SMAD6: variants seen among roughly 807,000 people sequenced by gnomAD.
SMAD6 encodes MAD homolog 6.
SMAD6 carries 103 observed loss-of-function variants against 39.4 expected under a neutral mutation model. That is an observed-to-expected ratio of 2.62 (90% CI 2.23 to 3.08). The LOEUF (loss-of-function observed/expected upper bound fraction) is 3.08, where lower values mean the gene tolerates loss of function less well. Among genes scored for constraint, SMAD6 ranks in the 30% most tolerant of loss-of-function variants. SMAD6 has a pLI of 0.00. For synonymous variants in SMAD6, 445 were observed against 353.3 expected, an observed-to-expected ratio of 1.26 and a Z score of -2.91; for missense variants, 1,104 against 742.9, an observed-to-expected ratio of 1.49 and a Z score of -5.65.
chr15:66,756,397 C>A (rs1894100118), intron 3 of SMAD6, among the ~76,000 whole-genome samples: 1 of 152,176 alleles, frequency 6.6e-6, no homozygotes, highest in African/African-American at 2.4e-5. Flanking sequence ...TTGCAATTTA[C>A]TTAATGAAAT....
chr15:66,728,154 C>T (rs185635821), intron 3 of SMAD6, among the ~76,000 whole-genome samples: 2 of 152,294 alleles, frequency 1.3e-5, no homozygotes, highest in East Asian at 3.9e-4. Context: ...CACGCCTGGC[C>T]AAAGTGAGCT....
chr15:66,778,821 G>C (rs2140678650), intron 3 of SMAD6, among the ~76,000 whole-genome samples: 1 of 152,326 alleles, frequency 6.6e-6, no homozygotes, highest in South Asian at 2.1e-4. Context: ...TGTGGAATGG[G>C]CTGCTAGTAG....
At chr15:66,708,643 T>A (rs1415026603) in intron 1 of SMAD6, 71 of 446,206 alleles carry the variant, frequency 1.6e-4, no homozygotes, top group Non-Finnish European at 9.6e-6. Context: ...TGAACTTCGA[T>A]GACTTTGTGC....
At chr15:66,721,921 G>C (rs186874487) in intron 3 of SMAD6, among the ~76,000 whole-genome samples, 2 of 152,138 alleles carry the variant, frequency 1.3e-5, no homozygotes, top group Non-Finnish European at 2.9e-5. Flanking sequence ...TGGAAGAGGC[G>C]ATGTCTTTTA....
intron 3 of SMAD6, among the ~76,000 whole-genome samples, chr15:66,756,428 G>A (rs2140654132): frequency 6.6e-6 from 1 of 152,196 alleles, no homozygotes; most frequent in Non-Finnish European, 1.5e-5. Flanking sequence ...CGTTTAACAG[G>A]GATATTTTTT....
chr15:66,703,713 CGGCGGG>C lies in SMAD6; in HGVS notation c.456_461del (p.Ala153_Gly154del). 7.5e-7 allele frequency: 1 copy of C among 1,334,844 alleles called. No individual in the cohort carries two copies. The highest frequency in any genetic ancestry group is 9.7e-7 in the Non-Finnish European group (1 of 1,030,164). The allele number at this position is 1,334,844 out of a possible 1,614,324, so 82.7% of individuals were successfully genotyped here. On this transcript the variant is annotated inframe_deletion, in exon 1 of 4. Transcript: ENST00000288840. The stretch of plus-strand genomic sequence containing the variant: ...CCCCTGGCCGGGGCGGCCCTGGAGC[CGGCGGG>C]CGGCGGGCGGAGTCGCGAAGCGCGC...
At chr15:66,779,031 G>A (rs949940934) in intron 3 of SMAD6, among the ~76,000 whole-genome samples, 1 of 152,222 alleles carries the variant, frequency 6.6e-6, no homozygotes, top group African/African-American at 2.4e-5. Flanking sequence ...CTGGCATGGT[G>A]CTGCTTTTCT....
chr15:66,731,357 G>A (rs1419468687), intron 3 of SMAD6, among the ~76,000 whole-genome samples: 2 of 147,812 alleles, frequency 1.4e-5, no homozygotes, highest in African/African-American at 5.0e-5. Flanking sequence ...AGAATGGCGT[G>A]AACCCGGGAG....
At chr15:66,709,616 A>G (rs1298349719) in intron 1 of SMAD6, among the ~76,000 whole-genome samples, 3 of 152,248 alleles carry the variant, frequency 2.0e-5, no homozygotes, top group Admixed American at 6.5e-5. Context: ...GACCTCAGCC[A>G]GTCAGATTTT....
chr15:66,780,504 T>C (rs1446601448), intron 3 of SMAD6, among the ~76,000 whole-genome samples: 1 of 152,142 alleles, frequency 6.6e-6, no homozygotes, highest in Non-Finnish European at 1.5e-5. Flanking sequence ...GGTGCCCTCC[T>C]CTGTAGAACG....
At chr15:66,713,988 AC>A (rs2140600147) in intron 2 of SMAD6, among the ~76,000 whole-genome samples, 1 of 152,182 alleles carries the variant, frequency 6.6e-6, no homozygotes, top group African/African-American at 2.4e-5. Flanking sequence ...AGCAGCCCCC[AC>A]TCAGGTGGGT....
chr15:66,745,172 C>A (rs1477749793), intron 3 of SMAD6, among the ~76,000 whole-genome samples: 1 of 152,140 alleles, frequency 6.6e-6, no homozygotes, highest in South Asian at 2.1e-4. Context: ...TCCAACTCTT[C>A]CCTGGCTGCC....
At chr15:66,763,220 A>G (rs1894231380) in intron 3 of SMAD6, among the ~76,000 whole-genome samples, 1 of 152,128 alleles carries the variant, frequency 6.6e-6, no homozygotes, top group Non-Finnish European at 1.5e-5. Flanking sequence ...TCCCTGCCCA[A>G]GGTCAGCATG....
At chr15:66,716,348 A>G (rs1486873220) in intron 2 of SMAD6, 73 bp from the exon 3 acceptor site, 3 of 1,030,974 alleles carry the variant, frequency 2.9e-6, no homozygotes, top group African/African-American at 3.1e-5. Context: ...ATGTACAGAG[A>G]TGCATGAGAA....
intron 3 of SMAD6, among the ~76,000 whole-genome samples, chr15:66,737,607 T>G (rs1893736355): frequency 1.3e-5 from 2 of 151,996 alleles, no homozygotes; most frequent in South Asian, 4.2e-4. Context: ...GAGATCCCCC[T>G]TTCCCACCAC....
intron 3 of SMAD6, among the ~76,000 whole-genome samples, chr15:66,745,244 T>A (rs1893886710): frequency 6.6e-6 from 1 of 152,166 alleles, no homozygotes. Context: ...CAGCCACACA[T>A]CCTGCTTTTA....
intron 3 of SMAD6, among the ~76,000 whole-genome samples, 183 bp downstream of exon 3, chr15:66,716,681 C>G (rs1281849050): frequency 1.3e-5 from 2 of 152,196 alleles, no homozygotes; most frequent in Non-Finnish European, 2.9e-5. Context: ...TAAGAACAGT[C>G]TGTATGAGTG....
chr15:66,714,704 G>A (rs1893294421), intron 2 of SMAD6, among the ~76,000 whole-genome samples: 1 of 152,190 alleles, frequency 6.6e-6, no homozygotes, highest in Admixed American at 6.5e-5. Context: ...GAGCAGTGAT[G>A]GAGGCTGGGA....
At chr15:66,718,146 G>GTGTGTC (rs1555435246) in intron 3 of SMAD6, among the ~76,000 whole-genome samples, 6 of 151,180 alleles carry the variant, frequency 4.0e-5, no homozygotes, top group African/African-American at 1.2e-4. Flanking sequence ...GTGTGTGTGT[G>GTGTGTC]TGTGTCTGTG....
Sources: gnomAD v4.1 joint callset for allele counts (sites outside exome capture counted in the v4.1 genomes callset) on GRCh38, gnomAD v4.1.1 for gene constraint, MANE v1.5 for transcripts, NCBI Gene and HGNC (gene_info 2026-07-23, HGNC 2026-07-21) for gene names.